The following PTPRT variants were observed in gnomAD, a reference collection of about 807,000 sequenced individuals.
PTPRT encodes the protein receptor-type tyrosine-protein phosphatase T.
PTPRT carries 56 observed loss-of-function variants against 176.8 expected under a neutral mutation model. The observed-to-expected ratio is 0.32, with a 90% confidence interval of 0.26 to 0.40. The LOEUF is 0.40. PTPRT is among the 10% of genes least tolerant of loss of function. PTPRT has a pLI of 1.00. For synonymous variants in PTPRT, 783 were observed against 739.0 expected, an observed-to-expected ratio of 1.06 and a Z score of -0.96; for missense variants, 1,540 against 1,908.2, an observed-to-expected ratio of 0.81 and a Z score of 3.60.
At chr20:42,526,868 G>A (rs1177925973) in intron 7 of PTPRT, among the ~76,000 whole-genome samples, 2 of 150,140 alleles carry the variant, frequency 1.3e-5, no homozygotes, top group Non-Finnish European at 3.0e-5. Flanking sequence ...TGTGTACATT[G>A]CTTATTTTAG....
chr20:43,085,018 T>G (rs2011566218), intron 1 of PTPRT, among the ~76,000 whole-genome samples: 2 of 152,234 alleles, frequency 1.3e-5, no homozygotes, highest in African/African-American at 4.8e-5. Flanking sequence ...CCAGTAGTGA[T>G]GATTAGATAC....
intron 7 of PTPRT, among the ~76,000 whole-genome samples, chr20:42,591,598 C>T (rs923557331): frequency 2.6e-5 from 4 of 152,138 alleles, no homozygotes; most frequent in African/African-American, 9.7e-5. Flanking sequence ...TGCCCTACCA[C>T]CTCATTCCTG....
intron 7 of PTPRT, among the ~76,000 whole-genome samples, chr20:42,662,698 G>A (rs2075245133): frequency 6.6e-6 from 1 of 152,008 alleles, no homozygotes; most frequent in Admixed American, 6.6e-5. Context: ...AACTCTGATG[G>A]GACTGAAAGC....
intron 25 of PTPRT, among the ~76,000 whole-genome samples, chr20:42,104,313 A>G (rs1166536954): frequency 2.6e-5 from 4 of 151,996 alleles, no homozygotes; most frequent in African/African-American, 7.3e-5. Flanking sequence ...TATAAAAAGT[A>G]AAAAAAAGAA....
intron 1 of PTPRT, among the ~76,000 whole-genome samples, chr20:42,949,357 A>C (rs549112151): frequency 6.6e-6 from 1 of 152,208 alleles, no homozygotes; most frequent in Non-Finnish European, 1.5e-5. Context: ...GTCTATTCTG[A>C]GGTGGCCATG....
intron 18 of PTPRT, among the ~76,000 whole-genome samples, chr20:42,132,966 G>A (rs1308062863): frequency 6.6e-6 from 1 of 152,164 alleles, no homozygotes; most frequent in Admixed American, 6.5e-5. Flanking sequence ...GGTGCAGACG[G>A]TCCCTCACTT....
At chr20:42,243,047 AAGGG>A (rs367669516) in intron 14 of PTPRT, among the ~76,000 whole-genome samples, 1,696 of 133,552 alleles carry the variant, frequency 0.013, 46 homozygotes, top group African/African-American at 0.043. Flanking sequence ...GGCAGAAAGG[AAGGG>A]AGGGAGGGAG....
chr20:43,189,522 G>A lies in PTPRT; in HGVS notation c.88+124C>T, dbSNP rs117637352. On this transcript the variant is annotated intron_variant, in intron 1 of 30. Coordinates refer to ENST00000373187, the MANE Select transcript of PTPRT (RefSeq NM_007050.6). This position sits in a 1 kb window ranked among gnomAD's most constrained non-coding sequence, Gnocchi z 5.0. ...GCCTGCAAGCTGAGACCCGGGTTCC[G>A]GCCATGGGGACCCGCGCCCCCGCGA... is the stretch of plus-strand genomic sequence containing the variant. 42,418 of 540,792 alleles carry A rather than the reference G, an allele frequency of 0.078. 2,045 individuals are homozygous for A. Among genetic ancestry groups the A allele is most frequent in the Non-Finnish European group, 0.093 (35,118 of 378,180 alleles). 33.5% of individuals were successfully genotyped at this position (540,792 alleles called of 1,614,324 possible).
intron 23 of PTPRT, 60 bp from the exon 24 acceptor site, chr20:42,106,981 G>A: frequency 3.2e-6 from 5 of 1,582,904 alleles, no homozygotes; most frequent in Non-Finnish European, 4.3e-6. Flanking sequence ...CCCTGGGGAG[G>A]CCCCTAGCAT....
intron 1 of PTPRT, among the ~76,000 whole-genome samples, chr20:42,908,159 C>CG (rs1433506441): frequency 6.6e-6 from 1 of 152,040 alleles, no homozygotes; most frequent in African/African-American, 2.4e-5. Flanking sequence ...AGCAAGAGAA[C>CG]GGGGGATAAG....
chr20:42,856,756 C>A (rs767223028), intron 2 of PTPRT, among the ~76,000 whole-genome samples: 4 of 151,852 alleles, frequency 2.6e-5, no homozygotes, highest in Admixed American at 6.6e-5. Context: ...AATGACAGGA[C>A]AATAAAAACC....
intron 13 of PTPRT, among the ~76,000 whole-genome samples, chr20:42,280,259 G>C (rs2147048074): frequency 6.6e-6 from 1 of 152,208 alleles, no homozygotes; most frequent in South Asian, 2.1e-4. Context: ...ATAGTACCAG[G>C]CACCAAGTAG....
chr20:42,057,344 G>A, the PTPRT span, among the ~76,000 whole-genome samples: 5 of 152,200 alleles, frequency 3.3e-5, no homozygotes, highest in Admixed American at 2.0e-4. Flanking sequence ...GGCGGGGGGC[G>A]GGGTACAAAT....
intron 8 of PTPRT, among the ~76,000 whole-genome samples, chr20:42,467,344 C>A (rs2071117770): frequency 6.6e-6 from 1 of 152,234 alleles, no homozygotes; most frequent in South Asian, 2.1e-4. Context: ...CTTGTCTTAT[C>A]TAAGTGACCA....
downstream of PTPRT, among the ~76,000 whole-genome samples, chr20:42,070,121 T>A (rs1042267107): frequency 6.6e-6 from 1 of 152,114 alleles, no homozygotes; most frequent in Non-Finnish European, 1.5e-5. Context: ...TCTATTCCTG[T>A]TCTTTTCTCC....
At chr20:42,142,029 A>G in intron 17 of PTPRT, 27 bp from the exon 18 acceptor site, 1 of 1,597,016 alleles carries the variant, frequency 6.3e-7, no homozygotes, top group Admixed American at 1.7e-5. Context: ...GAGTGGTTAG[A>G]GTGGCCTGAG....
At chr20:43,067,383 T>C (rs1281170262) in intron 1 of PTPRT, among the ~76,000 whole-genome samples, 1 of 152,216 alleles carries the variant, frequency 6.6e-6, no homozygotes, top group Non-Finnish European at 1.5e-5. Flanking sequence ...TAAAAGGTTT[T>C]GGAACTGTAT....
intron 2 of PTPRT, among the ~76,000 whole-genome samples, chr20:42,828,425 A>G (rs1041027367): frequency 6.6e-6 from 1 of 152,120 alleles, no homozygotes; most frequent in African/African-American, 2.4e-5. Context: ...AGAAAAACCC[A>G]TTTTCTGGGG....
At chr20:43,122,452 G>A (rs1025332604) in intron 1 of PTPRT, among the ~76,000 whole-genome samples, 13 of 152,146 alleles carry the variant, frequency 8.5e-5, no homozygotes, top group African/African-American at 2.9e-4. Context: ...CTTATGATAC[G>A]GTTTGGGTGT....
Sources: gnomAD v4.1 joint callset for allele counts (sites outside exome capture counted in the v4.1 genomes callset) on GRCh38, gnomAD v4.1.1 for gene constraint, Gnocchi (gnomAD v3.1) non-coding constraint, MANE v1.5 for transcripts, NCBI Gene and HGNC (gene_info 2026-07-23, HGNC 2026-07-21) for gene names.